The following ATG4A variants were observed in gnomAD, a reference collection of about 807,000 sequenced individuals.
ATG4A encodes cysteine protease ATG4A.
ATG4A carries 22 observed loss-of-function variants against 38.4 expected under a neutral mutation model. That is an observed-to-expected ratio of 0.57 (90% CI 0.41 to 0.82). The LOEUF is 0.82. Ranked by LOEUF, ATG4A falls within the 40% of genes least tolerant of loss-of-function variation. The pLI, the probability that ATG4A is intolerant of heterozygous loss-of-function variation, is 0.00. For missense variants in ATG4A, 220 were observed against 290.0 expected (o/e 0.76, Z 1.75); for synonymous variants, 86 against 100.7 (o/e 0.85, Z 0.88).
At chrX:108,136,992 G>A in intron 6 of ATG4A, 99 bp from the exon 7 acceptor site, 1 of 695,789 alleles carries the variant, frequency 1.4e-6, no homozygotes, top group Non-Finnish European at 2.1e-6. Context: ...CTATGGCTCA[G>A]TGTTTGGTGA....
intron 9 of ATG4A, among the ~76,000 whole-genome samples, chrX:108,140,860 TTATA>T (rs1327735087): frequency 1.0e-5 from 1 of 96,751 alleles, no homozygotes; most frequent in Non-Finnish European, 2.0e-5. Context: ...CATATACATT[TTATA>T]TATATAATGT....
intron 7 of ATG4A, 73 bp downstream of exon 7, chrX:108,137,243 G>T: frequency 1.1e-6 from 1 of 916,361 alleles, no homozygotes; most frequent in South Asian, 2.3e-5. Flanking sequence ...GTATTCTGGG[G>T]CTCAAGAGAG....
At position 108,104,568 on chromosome X, in the gene ATG4A, A is replaced by G. The variant is rs935733950; in HGVS notation, c.10+12732A>G. Among the ~76,000 whole-genome samples, 6 of 111,372 alleles carry G rather than the reference A, an allele frequency of 5.4e-5. 1 individual carries two copies. Among genetic ancestry groups the G allele is most frequent in the Admixed American group, 9.5e-5 (1 of 10,521 alleles). ...AGCTGCTTTTCTTTTGCTGCTTTCA[A>G]AATTCTTTCTTTGTCTTGGACTTTT... On this transcript the variant is annotated intron_variant, in intron 1 of 12. Transcript: ENST00000372232.
chrX:108,129,569 CTTTTTT>C (rs764613277), intron 3 of ATG4A, among the ~76,000 whole-genome samples: 1 of 96,188 alleles, frequency 1.0e-5, no homozygotes. Context: ...TCTTTTCTTT[CTTTTTT>C]TTTTTTTTTT....
chrX:108,153,568 TGAGTA>T (rs1269836273), intron 12 of ATG4A, 69 bp from the exon 13 acceptor site: 7 of 813,603 alleles, frequency 8.6e-6, no homozygotes. Flanking sequence ...TCTTAACTAC[TGAGTA>T]AAGTATTTAC....
intron 9 of ATG4A, among the ~76,000 whole-genome samples, chrX:108,144,917 G>A (rs2033387508): frequency 8.9e-6 from 1 of 112,136 alleles, no homozygotes; most frequent in Admixed American, 9.4e-5. Flanking sequence ...TATGCCCACT[G>A]GAAAGATTTC....
intron 2 of ATG4A, among the ~76,000 whole-genome samples, chrX:108,127,343 G>T (rs1397784697): frequency 2.7e-5 from 3 of 112,362 alleles, no homozygotes; most frequent in South Asian, 7.4e-4. Context: ...AGGAGTGAGG[G>T]TGTGGACATT....
chrX:108,102,868 G>T (rs2032059264), intron 1 of ATG4A, among the ~76,000 whole-genome samples: 1 of 108,615 alleles, frequency 9.2e-6, no homozygotes, highest in Admixed American at 9.9e-5. Context: ...TACATGTGGA[G>T]GATGTGCAGG....
chrX:108,141,060 GTATATATATACATATATATATATATA>G (rs1268480733), intron 9 of ATG4A, among the ~76,000 whole-genome samples: 9 of 30,024 alleles, frequency 3.0e-4, no homozygotes, highest in African/African-American at 1.2e-3. Flanking sequence ...ATATATACGT[GTATATATATACATATATATATATATA>G]TATATATATA....
intron 1 of ATG4A, among the ~76,000 whole-genome samples, chrX:108,094,115 G>T (rs2031727799): frequency 9.0e-6 from 1 of 110,762 alleles, no homozygotes; most frequent in Non-Finnish European, 1.9e-5. Flanking sequence ...CCATTCTTTT[G>T]GTGTTGTACT....
chrX:108,096,074 G>A (rs2031808665), intron 1 of ATG4A, among the ~76,000 whole-genome samples: 1 of 112,129 alleles, frequency 8.9e-6, no homozygotes, highest in Non-Finnish European at 1.9e-5. Flanking sequence ...GCATTCTAGT[G>A]GGTATAAAGT....
At chrX:108,151,321 C>G (rs777403661) in intron 10 of ATG4A, among the ~76,000 whole-genome samples, 5 of 112,091 alleles carry the variant, frequency 4.5e-5, no homozygotes, top group African/African-American at 1.6e-4. Context: ...CATTCTTTCA[C>G]TACTCTGGGA....
intron 9 of ATG4A, among the ~76,000 whole-genome samples, chrX:108,142,879 A>G (rs1280800964): frequency 1.8e-5 from 2 of 111,571 alleles, no homozygotes; most frequent in Admixed American, 1.9e-4. Context: ...CCTTCAATCC[A>G]ATCAAGTTGA....
At chrX:108,117,767 C>T (rs771099596) in intron 1 of ATG4A, among the ~76,000 whole-genome samples, 1 of 112,222 alleles carries the variant, frequency 8.9e-6, no homozygotes, top group East Asian at 2.8e-4. Flanking sequence ...CTTAGTAAAT[C>T]ATTATTAACT....
intron 10 of ATG4A, 38 bp downstream of exon 10, chrX:108,150,335 T>G: frequency 8.3e-7 from 1 of 1,206,745 alleles, no homozygotes; most frequent in African/African-American, 1.7e-5. Flanking sequence ...GGAGATACGA[T>G]GTGTACAGAT....
chrX:108,140,844 G>A (rs1443628441), intron 9 of ATG4A, among the ~76,000 whole-genome samples: 1 of 92,689 alleles, frequency 1.1e-5, no homozygotes, highest in Non-Finnish European at 2.1e-5. Context: ...CATACACAAA[G>A]TATTACATAT....
intron 4 of ATG4A, among the ~76,000 whole-genome samples, chrX:108,131,893 G>T (rs192513711): frequency 3.8e-4 from 42 of 111,336 alleles, no homozygotes; most frequent in Non-Finnish European, 5.1e-4. Flanking sequence ...TCTGATAATG[G>T]TTGTTGGAAC....
At chrX:108,140,574 T>A (rs186246424) in intron 9 of ATG4A, among the ~76,000 whole-genome samples, 2,646 of 103,995 alleles carry the variant, frequency 0.025, 34 homozygotes, top group Non-Finnish European at 0.042. Flanking sequence ...CACACATTTA[T>A]ACATATATAT....
At chrX:108,104,849 C>T (rs182485350) in intron 1 of ATG4A, among the ~76,000 whole-genome samples, 2 of 109,812 alleles carry the variant, frequency 1.8e-5, no homozygotes, top group Admixed American at 1.9e-4. Flanking sequence ...CTGACTATAT[C>T]ATTTCAAATA....
Sources: allele counts gnomAD v4.1 joint callset (sites outside exome capture counted in the v4.1 genomes callset), GRCh38; gene constraint gnomAD v4.1.1; transcripts MANE v1.5; gene names NCBI Gene and HGNC (gene_info 2026-07-23, HGNC 2026-07-21).